Variants in CFAP20DC observed in about 807,000 individuals in gnomAD.
CFAP20DC encodes CFAP20 domain containing.
Under a neutral mutation model 101.7 loss-of-function variants are expected in CFAP20DC, and 84 were observed. That is an observed-to-expected ratio of 0.83 (90% confidence interval 0.69 to 0.99). The LOEUF (loss-of-function observed/expected upper bound fraction) is 0.99. CFAP20DC is among the 50% of genes least tolerant of loss of function. CFAP20DC has a pLI of 0.00. For missense variants in CFAP20DC, 1,007 were observed against 970.3 expected, an observed-to-expected ratio of 1.04 and a Z score of -0.50; for synonymous variants, 359 against 351.2, an observed-to-expected ratio of 1.02 and a Z score of -0.25.
At chr3:59,049,056 C>T (rs1700105639) in intron 1 of CFAP20DC, among the ~76,000 whole-genome samples, 1 of 152,154 alleles carries the variant, frequency 6.6e-6, no homozygotes, top group South Asian at 2.1e-4. Flanking sequence ...ATCTGGGATG[C>T]GGGTCAGGAA....
Position 58,861,675 on chromosome 3 carries a change from A to G in CFAP20DC, c.1593+1883T>C. The G allele has an allele frequency of 1.0e-6, 1 of 985,298 alleles. No homozygotes were observed. 61.0% of individuals were successfully genotyped at this position (985,298 alleles called of 1,614,324 possible). On this transcript the variant is annotated intron_variant, in intron 12 of 16. Transcript: ENST00000482387. The surrounding 1 kb of genome is among the most constrained non-coding windows in gnomAD (Gnocchi z 4.0). The stretch of plus-strand genomic sequence containing the variant: ...TTAGTCTCTGTACCAGCAAACCCCA[A>G]AGCTTGATAATGTGGCAGGTGTTTC...
intron 1 of CFAP20DC, among the ~76,000 whole-genome samples, chr3:59,047,574 TTA>T (rs1358660188): frequency 1.3e-5 from 2 of 152,196 alleles, no homozygotes; most frequent in Non-Finnish European, 2.9e-5. Context: ...GCAAAACATT[TTA>T]TGTTTTACAG....
At chr3:58,777,348 T>G (rs2071425667) in intron 15 of CFAP20DC, among the ~76,000 whole-genome samples, 1 of 152,186 alleles carries the variant, frequency 6.6e-6, no homozygotes, top group Non-Finnish European at 1.5e-5. Flanking sequence ...TAAAACCAAG[T>G]TGTGCCACAA....
At chr3:58,935,875 T>A (rs922528262) in intron 5 of CFAP20DC, among the ~76,000 whole-genome samples, 2 of 152,166 alleles carry the variant, frequency 1.3e-5, no homozygotes, top group African/African-American at 4.8e-5. Flanking sequence ...AAGGACTTCA[T>A]GTCTGAAACA....
At chr3:58,804,330 T>C (rs1192995781) in intron 15 of CFAP20DC, among the ~76,000 whole-genome samples, 2 of 152,072 alleles carry the variant, frequency 1.3e-5, no homozygotes, top group South Asian at 2.1e-4. Context: ...CATATCTTAC[T>C]ATCACTCTCA....
intron 5 of CFAP20DC, among the ~76,000 whole-genome samples, chr3:58,921,569 C>T (rs2085376267): frequency 6.6e-6 from 1 of 151,996 alleles, no homozygotes; most frequent in Admixed American, 6.6e-5. Flanking sequence ...TTTATTGATA[C>T]ATAATTTAAT....
chr3:58,778,504 G>T (rs1274678012), intron 15 of CFAP20DC, among the ~76,000 whole-genome samples: 1 of 152,214 alleles, frequency 6.6e-6, no homozygotes, highest in African/African-American at 2.4e-5. Context: ...GCCAACACCA[G>T]TGTGGACCAC....
intron 4 of CFAP20DC, among the ~76,000 whole-genome samples, chr3:58,974,360 T>C (rs963850484): frequency 1.3e-5 from 2 of 152,156 alleles, no homozygotes; most frequent in African/African-American, 4.8e-5. Context: ...TATGTGGTAT[T>C]TGGTTTTCTG....
intron 4 of CFAP20DC, among the ~76,000 whole-genome samples, chr3:58,959,069 G>A (rs1228053019): frequency 3.9e-5 from 6 of 152,036 alleles, no homozygotes; most frequent in Admixed American, 3.3e-4. Flanking sequence ...TCTTCTAGAA[G>A]TTTTATAATT....
intron 13 of CFAP20DC, among the ~76,000 whole-genome samples, chr3:58,833,967 AC>A (rs1186731660): frequency 1.3e-5 from 2 of 152,210 alleles, no homozygotes; most frequent in East Asian, 3.8e-4. Context: ...TGTGTGATTT[AC>A]TTTATATGAA....
chr3:59,019,471 T>A (rs1465184773), intron 4 of CFAP20DC, among the ~76,000 whole-genome samples: 1 of 151,880 alleles, frequency 6.6e-6, no homozygotes, highest in African/African-American at 2.4e-5. Flanking sequence ...AGCAGAAGAC[T>A]ATGCAGCCCT....
At chr3:58,939,386 A>T (rs2088181756) in intron 4 of CFAP20DC, among the ~76,000 whole-genome samples, 1 of 152,192 alleles carries the variant, frequency 6.6e-6, no homozygotes, top group African/African-American at 2.4e-5. Context: ...TTAACCAAAA[A>T]TTCATCTATC....
rs1031091172 is a variant in CFAP20DC, at chr3:58,796,766, G to A, written c.2237+9629C>T. On this transcript the variant is annotated intron_variant, in intron 15 of 16. Coordinates refer to ENST00000482387, the MANE Select transcript of CFAP20DC (RefSeq NM_001394063.1). ...AGGTTTATGGCACCCTGTGTTGAGCGAGTTTATCAGTGTCATTTATCCAAC... is the reference window on the plus strand; with the variant it reads ...AGGTTTATGGCACCCTGTGTTGAGCAAGTTTATCAGTGTCATTTATCCAAC... 6.6e-5 allele frequency among the ~76,000 whole-genome samples: 10 copies of A among 152,220 alleles called. No individual in the cohort carries two copies. The South Asian group carries it at 1.5e-3, about 22-fold the overall frequency.
intron 14 of CFAP20DC, among the ~76,000 whole-genome samples, chr3:58,827,030 A>G (rs1324031367): frequency 6.6e-6 from 1 of 152,182 alleles, no homozygotes; most frequent in African/African-American, 2.4e-5. Context: ...GTATGATACT[A>G]TAATGGTAGA....
Position 58,990,882 on chromosome 3 carries a change from C to T in CFAP20DC, c.278+48675G>A, listed in dbSNP as rs115362221. Among the ~76,000 whole-genome samples the T allele has an allele frequency of 5.4e-3, 827 of 152,060 alleles. 8 individuals are homozygous for T. The highest frequency in any genetic ancestry group is 0.019 in the African/African-American group (797 of 41,468). On this transcript the variant is annotated intron_variant, in intron 4 of 16. Transcript: ENST00000482387. ...ATAGGAATATTCAACCTGTGCTCTGCGCACTTATTTCTTAACACTCACTTT... is the reference window on the plus strand; with the variant it reads ...ATAGGAATATTCAACCTGTGCTCTGTGCACTTATTTCTTAACACTCACTTT...
rs796065813 is a variant in CFAP20DC at position 58,730,470 on chromosome 3, G to A, written c.198-12842C>T. On this transcript the variant is annotated intron_variant, in intron 3 of 3. Transcript: ENST00000486145. ...ACAATAAGAAATGATGGTGGTAGTG[G>A]TCCCAGGTGATAAAGGCCGGGGGGT... Among the ~76,000 whole-genome samples, 14 of 152,310 alleles carry A rather than the reference G, an allele frequency of 9.2e-5. No individual in the cohort carries two copies. The South Asian group carries it at 1.9e-3, about 20-fold the overall frequency.
chr3:59,011,096 G>A (rs2108861454), intron 4 of CFAP20DC, among the ~76,000 whole-genome samples: 1 of 152,236 alleles, frequency 6.6e-6, no homozygotes, highest in East Asian at 1.9e-4. Flanking sequence ...TTAAATGCCT[G>A]CATCAAAAAG....
chr3:58,953,636 TA>T (rs902154623), intron 4 of CFAP20DC: 1 of 152,172 alleles, frequency 6.6e-6, no homozygotes, highest in African/African-American at 2.4e-5. Context: ...ATTGCTACTT[TA>T]AAAAAATTAA....
chr3:58,863,472 C>A lies in CFAP20DC; in HGVS notation c.1593+86G>T. ...TTTTATAAATAGCAGTTGATTTTCC[C>A]TCTTTCATTTCAACTTGTTTTAGTG... On this transcript the variant is annotated intron_variant, in intron 12 of 16. Coordinates refer to ENST00000482387, the MANE Select transcript of CFAP20DC (RefSeq NM_001394063.1). This position sits in a 1 kb window ranked among gnomAD's most constrained non-coding sequence, Gnocchi z 5.9. 4 of 1,536,554 alleles carry A rather than the reference C, an allele frequency of 2.6e-6. No individual in the cohort carries two copies. Among genetic ancestry groups the A allele is most frequent in the Non-Finnish European group, 2.6e-6 (3 of 1,142,966 alleles).
Sources: gnomAD v4.1 joint callset for allele counts (sites outside exome capture counted in the v4.1 genomes callset) on GRCh38, gnomAD v4.1.1 for gene constraint, Gnocchi (gnomAD v3.1) non-coding constraint, MANE v1.5 for transcripts, NCBI Gene and HGNC (gene_info 2026-07-23, HGNC 2026-07-21) for gene names.